EIF5B: variants seen among roughly 807,000 people sequenced by gnomAD.
EIF5B encodes eIF-5B.
A neutral mutation model predicts 147.5 loss-of-function variants in EIF5B; 47 were observed. The observed-to-expected ratio is 0.32, with a 90% CI of 0.25 to 0.41. EIF5B has a LOEUF of 0.41. Ranked by LOEUF, EIF5B falls within the 10% of genes least tolerant of loss-of-function variation. EIF5B has a pLI of 1.00. For synonymous variants in EIF5B, 455 were observed against 456.2 expected (o/e 1.00, Z 0.03); for missense variants, 1,064 against 1,413.2 (o/e 0.75, Z 3.96).
intron 9 of EIF5B, among the ~76,000 whole-genome samples, chr2:99,374,148 G>A (rs1039078491): frequency 6.6e-6 from 1 of 152,042 alleles, no homozygotes; most frequent in Non-Finnish European, 1.5e-5. Context: ...ATTTAGCTGG[G>A]CGTGGTGGCG....
chr2:99,363,866 T>A lies in EIF5B; in HGVS notation c.1137+4T>A. 6.3e-7 allele frequency: 1 copy of A among 1,599,670 alleles called. No individual in the cohort carries two copies. The highest frequency in any genetic ancestry group is 8.5e-7 in the Non-Finnish European group (1 of 1,176,084). ...AGAAGCCAAGCGTAAAGAAGAGGTA[T>A]GTTTTCATGAAGTTGGTAACATTGA... On this transcript the variant is annotated splice_donor_region_variant and intron_variant, in intron 5 of 23. Transcript: ENST00000289371.
chr2:99,361,767 C>T lies in EIF5B; in HGVS notation c.866C>T (p.Thr289Ile). The T allele has an allele frequency of 1.3e-6, 2 of 1,579,392 alleles. No individual in the cohort carries two copies. Among genetic ancestry groups the T allele is most frequent in the Non-Finnish European group, 8.5e-7 (1 of 1,171,338 alleles). The change falls in exon 4 of 24, where the codon ACT becomes ATT. Residue 289 changes from threonine (T) to isoleucine (I), a missense_variant. Coordinates refer to ENST00000289371, the MANE Select transcript of EIF5B (RefSeq NM_015904.4). ...ETVKSKVTVD[T>I]GVIPASEEKA... Reference sequence around the variant, plus strand: ...GTAAAATCCAAAGTGACTGTTGATACTGGAGTAATTCCTGCCTCTGAAGAG... The same window carrying T: ...GTAAAATCCAAAGTGACTGTTGATATTGGAGTAATTCCTGCCTCTGAAGAG...
chr2:99,396,751 TCC>T lies in EIF5B; in HGVS notation c.3255-8_3255-7del. Reference sequence around the variant, plus strand: ...GTAAGCTTAAAATTCTTTTCTTTTTTCCTTTCAGGCACATAGCAGTATTTCCC... The same window carrying T: ...GTAAGCTTAAAATTCTTTTCTTTTTTTTTCAGGCACATAGCAGTATTTCCC... On this transcript the variant is annotated splice_region_variant and splice_polypyrimidine_tract_variant and intron_variant, in intron 21 of 23. Coordinates refer to ENST00000289371, the MANE Select transcript of EIF5B (RefSeq NM_015904.4). 1 of 1,583,196 alleles carries T rather than the reference TCC, an allele frequency of 6.3e-7. No individual in the cohort carries two copies. The highest frequency in any genetic ancestry group is 2.0e-5 in the Admixed American group (1 of 50,108).
intron 17 of EIF5B, among the ~76,000 whole-genome samples, chr2:99,391,468 C>T (rs1261093317): frequency 6.6e-6 from 1 of 152,146 alleles, no homozygotes; most frequent in African/African-American, 2.4e-5. Flanking sequence ...AAGTTTAACA[C>T]ATTTTTGGGA....
rs761287210 is a variant in EIF5B at position 99,363,821 on chromosome 2, A to T, written c.1096A>T (p.Ile366Leu). The change falls in exon 5 of 24, where the codon ATA becomes TTA. Residue 366 changes from isoleucine to leucine, a missense_variant. By Grantham distance (5) the Ile-to-Leu change is conservative (BLOSUM62 2). This residue lies in a region of EIF5B where 458 missense variants were observed against 451.3 expected (regional missense o/e 1.01). Transcript: ENST00000289371. ...ERQKREEEER[I>L]KRLEELEAKR... ...ACAGAAGAGAGAAGAGGAAGAACGT[A>T]TAAAACGGCTTGAAGAATTAGAAGC... is the stretch of plus-strand genomic sequence containing the variant. The T allele has an allele frequency of 4.3e-6, 7 of 1,612,040 alleles. No individual in the cohort carries two copies. In the South Asian group the frequency reaches 7.7e-5, roughly 18 times the overall value.
chr2:99,385,209 G>T (rs1316204318), intron 14 of EIF5B, among the ~76,000 whole-genome samples: 3 of 152,180 alleles, frequency 2.0e-5, no homozygotes, highest in Non-Finnish European at 2.9e-5. Context: ...ACCACTCCCA[G>T]CTAATTTTTT....
At chr2:99,386,427 T>G (rs1051320864) in intron 14 of EIF5B, among the ~76,000 whole-genome samples, 1 of 152,124 alleles carries the variant, frequency 6.6e-6, no homozygotes, top group African/African-American at 2.4e-5. Flanking sequence ...TGTATTCTTA[T>G]GGTCTGGGAC....
At chr2:99,366,215 A>G (rs563906541) in intron 6 of EIF5B, among the ~76,000 whole-genome samples, 2 of 152,366 alleles carry the variant, frequency 1.3e-5, no homozygotes, top group East Asian at 3.9e-4. Flanking sequence ...CTAAACACAT[A>G]CAAGTCTTGG....
intron 1 of EIF5B, among the ~76,000 whole-genome samples, chr2:99,342,864 C>T (rs2094263416): frequency 6.6e-6 from 1 of 152,042 alleles, no homozygotes; most frequent in African/African-American, 2.4e-5. Context: ...CAGCTCCTGG[C>T]CTCAAGTGAT....
intron 6 of EIF5B, 56 bp from the exon 7 acceptor site, chr2:99,368,437 T>A (rs1674373653): frequency 7.9e-7 from 1 of 1,258,762 alleles, no homozygotes; most frequent in Non-Finnish European, 1.2e-6. Context: ...TAAATAGTAC[T>A]TCTCAGGTGA....
rs779579528 is a variant in EIF5B at position 99,382,903 on chromosome 2, C to G, written c.2253C>G (p.Phe751Leu). 5.0e-6 allele frequency: 8 copies of G among 1,608,422 alleles called. No individual in the cohort carries two copies. Among genetic ancestry groups the G allele is most frequent in the Non-Finnish European group, 6.8e-6 (8 of 1,178,480 alleles). The stretch of plus-strand genomic sequence containing the variant: ...TTCTCAAATCTAAAAAATGTCCCTT[C>G]ATTGTTGCACTCAATAAGGTATGTG... ...INLLKSKKCPFIVALNKIDRL... is the reference protein window; with the variant it reads ...INLLKSKKCPLIVALNKIDRL... The change falls in exon 14 of 24, where the codon TTC (phenylalanine) becomes TTG (leucine). Residue 751 changes from phenylalanine (F) to leucine (L), a missense_variant. By Grantham distance (22) the Phe-to-Leu change is conservative. This residue lies in a region of EIF5B where 380 missense variants were observed against 715.6 expected (regional missense o/e 0.53). Coordinates refer to ENST00000289371, the MANE Select transcript of EIF5B (RefSeq NM_015904.4).
intron 9 of EIF5B, among the ~76,000 whole-genome samples, chr2:99,372,038 TA>T (rs1276449680): frequency 3.3e-5 from 5 of 152,204 alleles, no homozygotes; most frequent in Non-Finnish European, 5.9e-5. Context: ...ACTGTTAACT[TA>T]AAAGGTAATG....
In EIF5B at chr2:99,399,775, A is replaced by G. The variant is rs1243123067; in HGVS notation, c.*361A>G. On this transcript the variant is annotated 3_prime_UTR_variant, in exon 24 of 24. Coordinates refer to ENST00000289371, the MANE Select transcript of EIF5B (RefSeq NM_015904.4). Reference sequence around the variant, plus strand: ...TAAATCAGTACTGCAGTATTTGATTAACCAAGCTTCTGCAGATTTTGTGAT... The same window carrying G: ...TAAATCAGTACTGCAGTATTTGATTGACCAAGCTTCTGCAGATTTTGTGAT... 1 of 160,686 alleles carries G rather than the reference A, an allele frequency of 6.2e-6. No individual in the cohort carries two copies. Among genetic ancestry groups the G allele is most frequent in the Non-Finnish European group, 1.4e-5 (1 of 73,078 alleles). The allele number at this position is 160,686 out of a possible 1,614,324, so 10.0% of individuals were successfully genotyped here.
intron 5 of EIF5B, 69 bp from the exon 6 acceptor site, chr2:99,364,202 T>C: frequency 1.3e-6 from 2 of 1,500,010 alleles, no homozygotes; most frequent in Non-Finnish European, 8.9e-7. Flanking sequence ...GAAGTTTGGA[T>C]TGTTTACATT....
chr2:99,379,565 CCTATTT>C, intron 12 of EIF5B, 137 bp downstream of exon 12: 3 of 624,346 alleles, frequency 4.8e-6, no homozygotes, highest in Non-Finnish European at 8.0e-6. Flanking sequence ...TACTATTTTG[CCTATTT>C]TGCTTTAGAT....
At chr2:99,366,167 T>C (rs1329715894) in intron 6 of EIF5B, among the ~76,000 whole-genome samples, 2 of 152,198 alleles carry the variant, frequency 1.3e-5, no homozygotes, top group African/African-American at 2.4e-5. Context: ...TTCAAGAACT[T>C]GATTGTTATG....
chr2:99,354,596 T>C lies in EIF5B; in HGVS notation c.36-5640T>C, dbSNP rs1276645889. Among the ~76,000 whole-genome samples the C allele has an allele frequency of 2.6e-5, 4 of 152,190 alleles. No individual in the cohort carries two copies. In the East Asian group the frequency reaches 7.7e-4, roughly 29 times the overall value. On this transcript the variant is annotated intron_variant, in intron 1 of 23. Coordinates refer to ENST00000289371, the MANE Select transcript of EIF5B (RefSeq NM_015904.4). ...TTAACTCTTTGCTTAGTGCTAGATC[T>C]GAAAGATATTTTACTCTTTTCCTAA...
intron 1 of EIF5B, among the ~76,000 whole-genome samples, chr2:99,348,842 T>A (rs1019861781): frequency 6.6e-6 from 1 of 152,202 alleles, no homozygotes; most frequent in South Asian, 2.1e-4. Context: ...TGTCCATTAC[T>A]ATAGGTCCTG....
rs1028628840 is a variant in EIF5B at position 99,361,468 on chromosome 2, A to G, written c.567A>G (p.Glu189=). ...ATTCTTCTGGTGAAAGTGGTGATGA[A>G]TCAGATGAATTTTTGCAATCTAGAA... ...RINSSGESGD[E]SDEFLQSRKG... is the part of the protein sequence containing the mutation. Residue 189 remains glutamate, a synonymous_variant, in exon 4 of 24, where the codon GAA becomes GAG. Transcript: ENST00000289371. 1.9e-6 allele frequency: 3 copies of G among 1,614,066 alleles called. No individual in the cohort carries two copies. Among genetic ancestry groups the G allele is most frequent in the Non-Finnish European group, 2.5e-6 (3 of 1,180,008 alleles).
Sources: allele counts gnomAD v4.1 joint callset (sites outside exome capture counted in the v4.1 genomes callset), GRCh38; gene constraint gnomAD v4.1.1; regional missense constraint gnomAD v4.1.1; transcripts MANE v1.5; gene names NCBI Gene and HGNC (gene_info 2026-07-23, HGNC 2026-07-21).